The following EPHA6 variants were observed in gnomAD, a reference collection of about 807,000 sequenced individuals.
The protein encoded by EPHA6 is ephrin type-A receptor 6.
A neutral mutation model predicts 112.0 loss-of-function variants in EPHA6; 50 were observed. The ratio of observed to expected loss-of-function variants is 0.45; its 90% CI spans 0.36 to 0.56. The LOEUF (loss-of-function observed/expected upper bound fraction) is 0.56. EPHA6 is among the 20% of genes least tolerant of loss of function. The pLI is 0.00. For missense variants in EPHA6, 1,280 were observed against 1,417.4 expected (o/e 0.90, Z 1.56); for synonymous variants, 529 against 490.7 (o/e 1.08, Z -1.03).
chr3:96,845,404 T>G (rs1252830056), intron 1 of EPHA6, among the ~76,000 whole-genome samples: 2 of 152,018 alleles, frequency 1.3e-5, no homozygotes, highest in Admixed American at 1.3e-4. Flanking sequence ...AAAGACTTAC[T>G]ATCCTATCCA....
intron 3 of EPHA6, among the ~76,000 whole-genome samples, chr3:97,203,495 G>A (rs2077632605): frequency 6.6e-6 from 1 of 152,116 alleles, no homozygotes; most frequent in African/African-American, 2.4e-5. Flanking sequence ...ACAAAACCGT[G>A]TAGTGCCTCT....
chr3:97,176,069 G>A (rs1488294772), intron 3 of EPHA6, among the ~76,000 whole-genome samples: 1 of 151,716 alleles, frequency 6.6e-6, no homozygotes, highest in East Asian at 1.9e-4. Flanking sequence ...ATGAAGAGGT[G>A]TGTTCTTTCA....
chr3:97,169,719 C>T (rs1490605677), intron 3 of EPHA6, among the ~76,000 whole-genome samples: 2 of 152,040 alleles, frequency 1.3e-5, no homozygotes, highest in African/African-American at 2.4e-5. Flanking sequence ...TCTTATTTTT[C>T]CTTTTTCTCA....
intron 3 of EPHA6, among the ~76,000 whole-genome samples, chr3:97,142,639 C>A (rs903823438): frequency 2.0e-5 from 3 of 151,798 alleles, no homozygotes. Context: ...CCTGAACAAA[C>A]CAATAATAAG....
chr3:97,000,142 A>G (rs926770949), intron 3 of EPHA6, among the ~76,000 whole-genome samples: 1 of 151,766 alleles, frequency 6.6e-6, no homozygotes. Flanking sequence ...TGTGTAATAT[A>G]GATTTTCATC....
intron 1 of EPHA6, among the ~76,000 whole-genome samples, chr3:96,842,788 A>T (rs2034827365): frequency 6.6e-6 from 1 of 152,104 alleles, no homozygotes; most frequent in Admixed American, 6.6e-5. Context: ...AAATAAAATC[A>T]GCAGCATCAT....
chr3:97,122,918 G>T (rs570035845), intron 3 of EPHA6, among the ~76,000 whole-genome samples: 4 of 152,072 alleles, frequency 2.6e-5, no homozygotes, highest in Admixed American at 2.6e-4. Flanking sequence ...ATGTTGGAGT[G>T]TTTGAAAAAA....
intron 5 of EPHA6, among the ~76,000 whole-genome samples, chr3:97,279,318 C>T (rs376944131): frequency 3.3e-5 from 5 of 151,992 alleles, no homozygotes; most frequent in Middle Eastern, 3.4e-3. Context: ...AAATAAATTA[C>T]AACCCACCCA....
At chr3:96,821,253 A>G (rs1027429066) in intron 1 of EPHA6, among the ~76,000 whole-genome samples, 3 of 151,946 alleles carry the variant, frequency 2.0e-5, no homozygotes, top group African/African-American at 7.2e-5. Flanking sequence ...AAATGTAGAG[A>G]ACATAAAAAT....
At chr3:97,056,590 T>C (rs968073322) in intron 3 of EPHA6, among the ~76,000 whole-genome samples, 4 of 152,172 alleles carry the variant, frequency 2.6e-5, no homozygotes, top group Non-Finnish European at 5.9e-5. Context: ...AATGTCCAGA[T>C]TCATCTGTGC....
At chr3:97,392,395 C>G (rs1333308207) in intron 5 of EPHA6, among the ~76,000 whole-genome samples, 6 of 151,286 alleles carry the variant, frequency 4.0e-5, no homozygotes, top group Non-Finnish European at 8.9e-5. Context: ...TGGTAAATTG[C>G]TAATGCATTC....
chr3:97,171,782 C>G (rs2076709071), intron 3 of EPHA6, among the ~76,000 whole-genome samples: 1 of 151,638 alleles, frequency 6.6e-6, no homozygotes, highest in Admixed American at 6.6e-5. Flanking sequence ...TGAAAAAAAG[C>G]CTATGTCATT....
rs533473619 is a variant in EPHA6 at position 96,925,379 on chromosome 3, T to C, written c.450+58490T>C. ...TCTTCCTGGTTCAGTCTTGGGACAG[T>C]GTATGTGTCCAGAATTTATCCATTT... is the stretch of plus-strand genomic sequence containing the variant. On this transcript the variant is annotated intron_variant, in intron 2 of 17. Coordinates refer to ENST00000389672, the MANE Select transcript of EPHA6 (RefSeq NM_001080448.3). Among the ~76,000 whole-genome samples the C allele has an allele frequency of 2.0e-5, 3 of 152,246 alleles. No individual in the cohort carries two copies. The East Asian group carries it at 5.8e-4, about 29-fold the overall frequency.
At chr3:97,496,572 A>G (rs1456029501) in intron 10 of EPHA6, among the ~76,000 whole-genome samples, 1 of 152,150 alleles carries the variant, frequency 6.6e-6, no homozygotes, top group Non-Finnish European at 1.5e-5. Context: ...ATGAAGCCAT[A>G]CTTCTATAAG....
chr3:96,942,122 C>T (rs141814404), intron 2 of EPHA6, among the ~76,000 whole-genome samples: 12,094 of 152,148 alleles, frequency 0.079, 877 homozygotes, highest in Admixed American at 0.21. Context: ...GCTGGGAGAA[C>T]CACTACTCTC....
chr3:97,458,396 G>GT (rs200298725), intron 7 of EPHA6, among the ~76,000 whole-genome samples: 2,408 of 152,112 alleles, frequency 0.016, 63 homozygotes, highest in African/African-American at 0.052. Flanking sequence ...TTGCACTATA[G>GT]TTTTTTTAAA....
intron 12 of EPHA6, among the ~76,000 whole-genome samples, chr3:97,604,822 T>A (rs1438081305): frequency 1.3e-5 from 2 of 151,716 alleles, no homozygotes; most frequent in African/African-American, 4.8e-5. Flanking sequence ...TAAAAATTAT[T>A]GATTTGCCAT....
chr3:97,066,695 T>C (rs2046189044), intron 3 of EPHA6, among the ~76,000 whole-genome samples: 1 of 152,184 alleles, frequency 6.6e-6, no homozygotes, highest in African/African-American at 2.4e-5. Flanking sequence ...CAGTAAACAG[T>C]CGGCTATTTA....
chr3:96,860,528 C>A (rs1459188085), intron 1 of EPHA6, among the ~76,000 whole-genome samples: 2 of 151,752 alleles, frequency 1.3e-5, no homozygotes, highest in African/African-American at 4.8e-5. Flanking sequence ...TATTTCAGAC[C>A]TTAAGTTTCA....
Sources: gnomAD v4.1 joint callset for allele counts (sites outside exome capture counted in the v4.1 genomes callset) on GRCh38, gnomAD v4.1.1 for gene constraint, MANE v1.5 for transcripts, NCBI Gene and HGNC (gene_info 2026-07-23, HGNC 2026-07-21) for gene names.